CLSTN2: variants seen among roughly 807,000 people sequenced by gnomAD.
CLSTN2 encodes calsyntenin-2.
A neutral mutation model predicts 101.2 loss-of-function variants in CLSTN2; 48 were observed. That is an observed-to-expected ratio of 0.47 (90% CI 0.38 to 0.60). The LOEUF is 0.60. Ranked by LOEUF, CLSTN2 falls within the 20% of genes least tolerant of loss-of-function variation. CLSTN2 has a pLI of 0.00. For synonymous variants in CLSTN2, 481 were observed against 463.6 expected, an observed-to-expected ratio of 1.04 and a Z score of -0.48; for missense variants, 1,160 against 1,238.2, an observed-to-expected ratio of 0.94 and a Z score of 0.95.
intron 2 of CLSTN2, among the ~76,000 whole-genome samples, chr3:140,280,501 C>A (rs1472265254): frequency 2.0e-5 from 3 of 152,168 alleles, no homozygotes; most frequent in Admixed American, 1.3e-4. Flanking sequence ...ATTCTTCACA[C>A]TTCGGACAGT....
At chr3:140,277,385 A>G (rs2086804407) in intron 2 of CLSTN2, among the ~76,000 whole-genome samples, 1 of 152,172 alleles carries the variant, frequency 6.6e-6, no homozygotes, top group Admixed American at 6.5e-5. Context: ...TGCTGCCTCC[A>G]GTTACCTATT....
chr3:140,016,862 G>C (rs550582195), intron 1 of CLSTN2, among the ~76,000 whole-genome samples: 25 of 149,508 alleles, frequency 1.7e-4, no homozygotes, highest in Non-Finnish European at 3.3e-4. Context: ...GATGCATAAA[G>C]TATATACATT....
rs1354001562 is a variant in CLSTN2 at position 140,441,923 on chromosome 3, T to C, written c.788-6596T>C. ...GCACCTTCTGAGACATGGCAGCTGC[T>C]GGGTTGTACACTCAGAAGCGGAAGT... is the stretch of plus-strand genomic sequence containing the variant. On this transcript the variant is annotated intron_variant, in intron 5 of 16. Coordinates refer to ENST00000458420, the MANE Select transcript of CLSTN2 (RefSeq NM_022131.3). Among the ~76,000 whole-genome samples, 3 of 152,148 alleles carry C rather than the reference T, an allele frequency of 2.0e-5. No homozygotes were observed. The East Asian group carries it at 5.8e-4, about 29-fold the overall frequency.
intron 1 of CLSTN2, among the ~76,000 whole-genome samples, chr3:140,126,381 G>A (rs539913676): frequency 6.6e-6 from 1 of 152,124 alleles, no homozygotes; most frequent in Non-Finnish European, 1.5e-5. Context: ...TGGCAGTGGG[G>A]ATCCAGAAGT....
chr3:140,157,091 G>A (rs1396441954), intron 1 of CLSTN2, among the ~76,000 whole-genome samples: 1 of 152,026 alleles, frequency 6.6e-6, no homozygotes, highest in Non-Finnish European at 1.5e-5. Flanking sequence ...GCTCAATGAG[G>A]GGAAGCATCG....
At chr3:140,314,112 T>C (rs1276782092) in intron 2 of CLSTN2, among the ~76,000 whole-genome samples, 1 of 152,232 alleles carries the variant, frequency 6.6e-6, no homozygotes. Context: ...CCCTGTCTCA[T>C]GCAATCATCA....
chr3:140,464,211 G>T (rs1933631317), intron 7 of CLSTN2, among the ~76,000 whole-genome samples: 1 of 152,140 alleles, frequency 6.6e-6, no homozygotes, highest in African/African-American at 2.4e-5. Context: ...GAGGTTGGGG[G>T]ATGAAGACGT....
In CLSTN2 at chr3:140,112,505, G is replaced by A. The variant is rs533261702; in HGVS notation, c.110-63446G>A. Among the ~76,000 whole-genome samples the A allele has an allele frequency of 2.0e-5, 3 of 152,274 alleles. No homozygotes were observed. In the East Asian group the frequency reaches 5.8e-4, roughly 29 times the overall value. ...TCATGGAGAAATCTCAGCACGTGGT[G>A]CAGATGCAGACAGCCGTGCACCTGG... On this transcript the variant is annotated intron_variant, in intron 1 of 16. Coordinates refer to ENST00000458420, the MANE Select transcript of CLSTN2 (RefSeq NM_022131.3).
intron 1 of CLSTN2, among the ~76,000 whole-genome samples, chr3:140,055,600 TG>T (rs2008082010): frequency 6.6e-6 from 1 of 152,152 alleles, no homozygotes; most frequent in African/African-American, 2.4e-5. Flanking sequence ...AGGGTTGTGG[TG>T]GGGATTAAAA....
At chr3:140,119,488 T>G (rs2009303470) in intron 1 of CLSTN2, among the ~76,000 whole-genome samples, 1 of 152,158 alleles carries the variant, frequency 6.6e-6, no homozygotes, top group African/African-American at 2.4e-5. Context: ...ATTGTTGGAA[T>G]GTATGGGAGG....
intron 1 of CLSTN2, among the ~76,000 whole-genome samples, chr3:140,086,451 A>G (rs1445935027): frequency 2.0e-5 from 3 of 152,198 alleles, no homozygotes; most frequent in Non-Finnish European, 4.4e-5. Flanking sequence ...GATAGTACTT[A>G]CCTGTAGGGC....
intron 8 of CLSTN2, among the ~76,000 whole-genome samples, chr3:140,519,611 T>C (rs1294684580): frequency 6.6e-6 from 1 of 152,188 alleles, no homozygotes; most frequent in Non-Finnish European, 1.5e-5. Flanking sequence ...TTTTCTTTAT[T>C]GGTTTAAACT....
intron 1 of CLSTN2, among the ~76,000 whole-genome samples, chr3:139,976,489 A>T (rs376595935): frequency 1.3e-5 from 2 of 152,342 alleles, no homozygotes; most frequent in East Asian, 3.9e-4. Context: ...GATGAGGGAA[A>T]CTGAGGCTCA....
intron 2 of CLSTN2, among the ~76,000 whole-genome samples, chr3:140,305,006 TG>T (rs1405870181): frequency 6.6e-6 from 1 of 151,210 alleles, no homozygotes; most frequent in Middle Eastern, 3.4e-3. Context: ...AGGACATAGC[TG>T]TCACACACAC....
chr3:140,095,313 TTC>T (rs2008852009), intron 1 of CLSTN2, among the ~76,000 whole-genome samples: 1 of 152,224 alleles, frequency 6.6e-6, no homozygotes, highest in Non-Finnish European at 1.5e-5. Flanking sequence ...GGAGGACAGT[TTC>T]TGAAAAGCTG....
At chr3:140,361,306 C>T (rs2087727887) in intron 2 of CLSTN2, among the ~76,000 whole-genome samples, 1 of 152,100 alleles carries the variant, frequency 6.6e-6, no homozygotes, top group Non-Finnish European at 1.5e-5. Flanking sequence ...AATTCAAGAC[C>T]TACTCAAACT....
intron 1 of CLSTN2, among the ~76,000 whole-genome samples, chr3:140,150,841 C>G (rs1020487181): frequency 2.0e-5 from 3 of 152,138 alleles, no homozygotes; most frequent in Non-Finnish European, 2.9e-5. Flanking sequence ...AGGGAACCCA[C>G]CCTGCCATAA....
chr3:140,306,371 A>G (rs1049589933), intron 2 of CLSTN2, among the ~76,000 whole-genome samples: 31 of 152,070 alleles, frequency 2.0e-4, no homozygotes, highest in African/African-American at 6.5e-4. Flanking sequence ...TTCCCACAGC[A>G]TCGTAATTCT....
chr3:140,523,243 G>A (rs1367865619), intron 8 of CLSTN2, among the ~76,000 whole-genome samples: 2 of 152,014 alleles, frequency 1.3e-5, no homozygotes, highest in Non-Finnish European at 2.9e-5. Context: ...TCTGGGACCC[G>A]AATTCAGACA....
Sources: gnomAD v4.1 joint callset for allele counts (sites outside exome capture counted in the v4.1 genomes callset) on GRCh38, gnomAD v4.1.1 for gene constraint, MANE v1.5 for transcripts, NCBI Gene and HGNC (gene_info 2026-07-23, HGNC 2026-07-21) for gene names.